Variants in FSTL4 observed in about 807,000 individuals in gnomAD.
The protein encoded by FSTL4 is follistatin-related protein 4.
Under a neutral mutation model 78.2 loss-of-function variants are expected in FSTL4, and 28 were observed. The ratio of observed to expected loss-of-function variants is 0.36; its 90% CI spans 0.27 to 0.49. FSTL4 has a LOEUF of 0.49. Among genes scored for constraint, FSTL4 ranks in the 20% least tolerant of loss-of-function variants. The probability of loss-of-function intolerance (pLI) is 0.98; values close to 1 mark genes in which losing one functional copy is unlikely to be tolerated. For missense variants in FSTL4, 922 were observed against 1,084.9 expected (o/e 0.85, Z 2.11); for synonymous variants, 422 against 440.5 (o/e 0.96, Z 0.53).
chr5:133,619,941 T>A, the FSTL4 span, among the ~76,000 whole-genome samples: 1 of 152,244 alleles, frequency 6.6e-6, no homozygotes. Flanking sequence ...TTTAATGCAA[T>A]CATTAATAAC....
intron 7 of FSTL4, among the ~76,000 whole-genome samples, chr5:133,234,511 T>C (rs192310021): frequency 6.6e-6 from 1 of 152,338 alleles, no homozygotes; most frequent in Non-Finnish European, 1.5e-5. Flanking sequence ...TGCTGGCCCT[T>C]CCAGGCACCA....
At chr5:133,228,570 G>A (rs188389058) in intron 8 of FSTL4, among the ~76,000 whole-genome samples, 35 of 152,274 alleles carry the variant, frequency 2.3e-4, no homozygotes, top group African/African-American at 8.4e-4. Flanking sequence ...AACATACTGT[G>A]GGCAAGGGTA....
chr5:133,629,196 T>G, the FSTL4 span, among the ~76,000 whole-genome samples: 9,355 of 151,394 alleles, frequency 0.062, 317 homozygotes, highest in Non-Finnish European at 0.071. Context: ...TGTTGAATTT[T>G]ATCAAAGGCC....
At chr5:133,384,379 T>C (rs1392961402) in intron 4 of FSTL4, among the ~76,000 whole-genome samples, 1 of 152,232 alleles carries the variant, frequency 6.6e-6, no homozygotes, top group African/African-American at 2.4e-5. Context: ...TTCCCAGGAC[T>C]GTTCAGGGCC....
At chr5:133,522,798 G>A (rs1241161997) in intron 3 of FSTL4, among the ~76,000 whole-genome samples, 1 of 152,216 alleles carries the variant, frequency 6.6e-6, no homozygotes, top group Non-Finnish European at 1.5e-5. Flanking sequence ...ACAACTCAAT[G>A]AGTCCGAGAT....
intron 4 of FSTL4, among the ~76,000 whole-genome samples, chr5:133,330,413 G>T (rs1290583951): frequency 6.6e-6 from 1 of 152,164 alleles, no homozygotes; most frequent in Non-Finnish European, 1.5e-5. Context: ...GTATCTCACA[G>T]GGCAAGAGCA....
chr5:133,564,290 T>C (rs111378446), intron 3 of FSTL4, among the ~76,000 whole-genome samples: 1 of 152,288 alleles, frequency 6.6e-6, no homozygotes, highest in African/African-American at 2.4e-5. Context: ...TTGACATGTC[T>C]TTTTGGGGAA....
chr5:133,492,707 T>C (rs976682958), intron 3 of FSTL4, among the ~76,000 whole-genome samples: 3 of 152,138 alleles, frequency 2.0e-5, no homozygotes, highest in African/African-American at 7.2e-5. Flanking sequence ...TCTAGGCATT[T>C]ATATCTTTAA....
chr5:133,564,637 G>A (rs1759988399), intron 3 of FSTL4, among the ~76,000 whole-genome samples: 2 of 152,162 alleles, frequency 1.3e-5, no homozygotes, highest in Non-Finnish European at 2.9e-5. Flanking sequence ...GATAGGGTAA[G>A]CTAAACACTT....
At chr5:133,334,436 C>T (rs1415153990) in intron 4 of FSTL4, among the ~76,000 whole-genome samples, 1 of 152,122 alleles carries the variant, frequency 6.6e-6, no homozygotes, top group Non-Finnish European at 1.5e-5. Flanking sequence ...CAAAAGGCCA[C>T]CTGAGTAGTG....
At chr5:133,331,636 T>A (rs1255943302) in intron 4 of FSTL4, among the ~76,000 whole-genome samples, 1 of 152,150 alleles carries the variant, frequency 6.6e-6, no homozygotes, top group Non-Finnish European at 1.5e-5. Flanking sequence ...CAGAGAAGAA[T>A]GACCCAAACA....
chr5:133,781,502 G>C, the FSTL4 span, among the ~76,000 whole-genome samples: 1 of 151,924 alleles, frequency 6.6e-6, no homozygotes, highest in Non-Finnish European at 1.5e-5. Flanking sequence ...AGCTGGCAAG[G>C]CTGGAAACTT....
intron 6 of FSTL4, among the ~76,000 whole-genome samples, chr5:133,249,953 G>A (rs1752169062): frequency 6.6e-6 from 1 of 152,214 alleles, no homozygotes; most frequent in Non-Finnish European, 1.5e-5. Context: ...TGGCCTATTG[G>A]AGTCTGGGCC....
intron 4 of FSTL4, among the ~76,000 whole-genome samples, chr5:133,356,025 CTGGGT>C (rs1754936386): frequency 6.6e-6 from 1 of 152,204 alleles, no homozygotes; most frequent in Non-Finnish European, 1.5e-5. Flanking sequence ...GCTTGGGGGC[CTGGGT>C]CCCAGGGGGC....
intron 2 of FSTL4, among the ~76,000 whole-genome samples, chr5:133,571,167 G>A (rs1275532449): frequency 6.6e-6 from 1 of 151,894 alleles, no homozygotes; most frequent in Non-Finnish European, 1.5e-5. Context: ...GTACTAAAGA[G>A]ACAAAAATTA....
rs138803218 is a variant in FSTL4, at chr5:133,326,506, T to C, written c.410-9854A>G. Among the ~76,000 whole-genome samples the C allele has an allele frequency of 6.0e-3, 912 of 152,328 alleles. 21 individuals are homozygous for C. Among genetic ancestry groups the C allele is most frequent in the Non-Finnish European group, 5.3e-3 (362 of 68,028 alleles). On this transcript the variant is annotated intron_variant, in intron 4 of 15. Transcript: ENST00000265342. ...CCTGTGGCGGTGTTTATGCCTGTCATTGGCCTAAAACCACTGGCTACTCTA... is the reference window on the plus strand; with the variant it reads ...CCTGTGGCGGTGTTTATGCCTGTCACTGGCCTAAAACCACTGGCTACTCTA...
chr5:133,479,833 T>C (rs1014269737), intron 3 of FSTL4, among the ~76,000 whole-genome samples: 2 of 152,238 alleles, frequency 1.3e-5, no homozygotes, highest in African/African-American at 4.8e-5. Flanking sequence ...ATCAGTTTTC[T>C]GGCATGTAAA....
chr5:133,713,816 G>A, the FSTL4 span, among the ~76,000 whole-genome samples: 19 of 152,324 alleles, frequency 1.2e-4, no homozygotes, highest in African/African-American at 3.8e-4. Context: ...TTCTTCCAAC[G>A]TTGAAACTAG....
At chr5:133,797,934 A>G in the FSTL4 span, among the ~76,000 whole-genome samples, 1 of 152,172 alleles carries the variant, frequency 6.6e-6, no homozygotes, top group Non-Finnish European at 1.5e-5. Context: ...GCCCCAGAGC[A>G]CAGCCACGAA....
Sources: allele counts gnomAD v4.1 joint callset (sites outside exome capture counted in the v4.1 genomes callset), GRCh38; gene constraint gnomAD v4.1.1; transcripts MANE v1.5; gene names NCBI Gene and HGNC (gene_info 2026-07-23, HGNC 2026-07-21).